Variants in NCKAP5 observed in about 807,000 individuals in gnomAD.
NCKAP5 encodes nck-associated protein 5.
NCKAP5 carries 92 observed loss-of-function variants against 167.0 expected under a neutral mutation model. That is an observed-to-expected ratio of 0.55 (90% CI 0.47 to 0.66). The LOEUF (loss-of-function observed/expected upper bound fraction) is 0.66, where lower values mean the gene tolerates loss of function less well. Ranked by LOEUF, NCKAP5 falls within the 30% of genes least tolerant of loss-of-function variation. The pLI is 0.00. For missense variants in NCKAP5, 2,378 were observed against 2,315.0 expected (o/e 1.03, Z -0.56); for synonymous variants, 891 against 877.4 (o/e 1.02, Z -0.27).
chr2:133,357,947 C>A (rs772554195), intron 3 of NCKAP5, among the ~76,000 whole-genome samples: 4 of 152,152 alleles, frequency 2.6e-5, no homozygotes, highest in Admixed American at 6.5e-5. Context: ...CTGGTGATTA[C>A]CTTGCTGAAT....
intron 8 of NCKAP5, among the ~76,000 whole-genome samples, chr2:132,962,259 C>T (rs1377577862): frequency 6.6e-6 from 1 of 152,128 alleles, no homozygotes; most frequent in Non-Finnish European, 1.5e-5. Flanking sequence ...GACTATGCAC[C>T]AGGCATCATT....
intron 8 of NCKAP5, among the ~76,000 whole-genome samples, chr2:132,918,151 T>C (rs1197396626): frequency 2.0e-5 from 3 of 152,196 alleles, no homozygotes; most frequent in Non-Finnish European, 4.4e-5. Flanking sequence ...TTCTCCTTAA[T>C]AACTCATCAC....
At chr2:133,140,212 C>T (rs1234454935) in intron 5 of NCKAP5, among the ~76,000 whole-genome samples, 1 of 152,148 alleles carries the variant, frequency 6.6e-6, no homozygotes, top group African/African-American at 2.4e-5. Context: ...AAGTCTTAAA[C>T]ATTGTTTCCT....
chr2:133,050,677 T>A (rs534151041), intron 6 of NCKAP5, among the ~76,000 whole-genome samples: 1 of 152,344 alleles, frequency 6.6e-6, no homozygotes, highest in African/African-American at 2.4e-5. Flanking sequence ...AGTCTAGGTA[T>A]ATTTTTCTAC....
At chr2:133,668,148 T>C in the NCKAP5 span, among the ~76,000 whole-genome samples, 4 of 152,072 alleles carry the variant, frequency 2.6e-5, no homozygotes, top group South Asian at 2.1e-4. Flanking sequence ...TTCTATTGTA[T>C]GGATATACCA....
intron 6 of NCKAP5, among the ~76,000 whole-genome samples, chr2:133,077,991 A>C (rs1191103853): frequency 6.6e-6 from 1 of 152,092 alleles, no homozygotes; most frequent in Non-Finnish European, 1.5e-5. Flanking sequence ...AAAAAAGAAG[A>C]CTGAAAAGTG....
the NCKAP5 span, among the ~76,000 whole-genome samples, chr2:133,595,782 C>T: frequency 6.6e-6 from 1 of 152,302 alleles, no homozygotes; most frequent in South Asian, 2.1e-4. Context: ...GAAGCAGCCA[C>T]AAACAATATG....
At chr2:132,699,373 A>G (rs530385815) in intron 19 of NCKAP5, among the ~76,000 whole-genome samples, 1 of 152,246 alleles carries the variant, frequency 6.6e-6, no homozygotes, top group South Asian at 2.1e-4. Context: ...GTACATGTGC[A>G]CAATGTGCAG....
the NCKAP5 span, among the ~76,000 whole-genome samples, chr2:133,647,675 A>T: frequency 7.5e-6 from 1 of 133,170 alleles, no homozygotes; most frequent in African/African-American, 3.0e-5. Context: ...GAGAGGAAAG[A>T]AAGGAAGGAA....
At chr2:133,461,843 T>C (rs1692217835) in intron 3 of NCKAP5, among the ~76,000 whole-genome samples, 1 of 152,188 alleles carries the variant, frequency 6.6e-6, no homozygotes, top group Admixed American at 6.5e-5. Flanking sequence ...CATCACAACA[T>C]GAAACGTGAA....
At chr2:133,266,019 C>G (rs1348034166) in intron 4 of NCKAP5, among the ~76,000 whole-genome samples, 1 of 152,180 alleles carries the variant, frequency 6.6e-6, no homozygotes, top group East Asian at 1.9e-4. Flanking sequence ...CTTTAGGAGT[C>G]TCTGGAAGAT....
chr2:133,039,180 G>T (rs907467222), intron 6 of NCKAP5, among the ~76,000 whole-genome samples: 3 of 152,168 alleles, frequency 2.0e-5, no homozygotes, highest in Non-Finnish European at 4.4e-5. Context: ...GACACAGAGT[G>T]ATGGGTTTTT....
intron 8 of NCKAP5, among the ~76,000 whole-genome samples, chr2:132,957,165 C>A (rs2076368796): frequency 1.3e-5 from 2 of 152,136 alleles, no homozygotes; most frequent in Non-Finnish European, 2.9e-5. Flanking sequence ...TTAACGCGGG[C>A]AAAAACCAAC....
chr2:133,462,629 T>C (rs1301265231), intron 3 of NCKAP5, among the ~76,000 whole-genome samples: 3 of 152,222 alleles, frequency 2.0e-5, no homozygotes, highest in African/African-American at 7.2e-5. Context: ...GTTTTACTAC[T>C]GAGTCTTGTG....
At chr2:133,625,636 C>T in the NCKAP5 span, among the ~76,000 whole-genome samples, 12 of 152,066 alleles carry the variant, frequency 7.9e-5, no homozygotes, top group Non-Finnish European at 1.2e-4. Flanking sequence ...TTTGGGAGGC[C>T]GAGACGGGCG....
chr2:133,646,761 AAAT>A, the NCKAP5 span, among the ~76,000 whole-genome samples: 3 of 152,168 alleles, frequency 2.0e-5, no homozygotes, highest in Admixed American at 2.0e-4. Context: ...GCAATAGCTA[AAAT>A]AATGATAGCC....
chr2:132,860,698 A>G, intron 10 of NCKAP5, 87 bp from the exon 11 acceptor site: 1 of 1,421,004 alleles, frequency 7.0e-7, no homozygotes, highest in South Asian at 1.5e-5. Context: ...ATCTCAGATC[A>G]TTAGTAAAAA....
At chr2:133,632,292 T>A in the NCKAP5 span, among the ~76,000 whole-genome samples, 1 of 152,218 alleles carries the variant, frequency 6.6e-6, no homozygotes, top group African/African-American at 2.4e-5. Context: ...TAATTGGACA[T>A]TAAAAATGAA....
At chr2:132,984,557 A>G (rs2077232465) in intron 7 of NCKAP5, among the ~76,000 whole-genome samples, 1 of 152,144 alleles carries the variant, frequency 6.6e-6, no homozygotes, top group African/African-American at 2.4e-5. Flanking sequence ...ATTTCTCTTC[A>G]TCGCCATGCT....
Sources: allele counts gnomAD v4.1 joint callset (sites outside exome capture counted in the v4.1 genomes callset), GRCh38; gene constraint gnomAD v4.1.1; transcripts MANE v1.5; gene names NCBI Gene and HGNC (gene_info 2026-07-23, HGNC 2026-07-21).